OR9Q1: variants seen among roughly 807,000 people sequenced by gnomAD.
OR9Q1 encodes olfactory receptor family 9 subfamily Q member 1.
For synonymous variants in OR9Q1, 153 were observed against 148.6 expected, an observed-to-expected ratio of 1.03 and a Z score of -0.22; for missense variants, 374 against 378.8, an observed-to-expected ratio of 0.99 and a Z score of 0.11.
At chr11:58,118,591 A>G in intron 2 of OR9Q1, 1 of 1,614,076 alleles carries the variant, frequency 6.2e-7, no homozygotes, top group East Asian at 2.2e-5. Context: ...CAGAGGGTTC[A>G]GCATGGGGAT....
intron 2 of OR9Q1, among the ~76,000 whole-genome samples, chr11:58,071,533 A>G (rs1427137700): frequency 2.0e-5 from 3 of 152,076 alleles, no homozygotes; most frequent in East Asian, 1.9e-4. Flanking sequence ...TGTTTCTCCT[A>G]GGGGAAAGAG....
At chr11:58,027,353 C>T (rs1852985609) in intron 1 of OR9Q1, among the ~76,000 whole-genome samples, 1 of 152,166 alleles carries the variant, frequency 6.6e-6, no homozygotes, top group South Asian at 2.1e-4. Flanking sequence ...GCTCATGTAA[C>T]AGTCCTGTGT....
At chr11:58,083,812 G>A (rs2120048409) in intron 2 of OR9Q1, among the ~76,000 whole-genome samples, 1 of 151,940 alleles carries the variant, frequency 6.6e-6, no homozygotes, top group South Asian at 2.1e-4. Flanking sequence ...TGTTCCACTG[G>A]TCTATGTGTC....
intron 2 of OR9Q1, among the ~76,000 whole-genome samples, chr11:58,157,128 C>T (rs1334564361): frequency 6.6e-6 from 1 of 152,116 alleles, no homozygotes; most frequent in African/African-American, 2.4e-5. Context: ...CTCTCCTTAG[C>T]CCTGCCCTGG....
Position 58,128,307 on chromosome 11 carries a change from A to G in OR9Q1, c.-14-51124A>G, listed in dbSNP as rs150939634. ...AGAGAGCAATTAACCTGCCTGATAT[A>G]AAAGCTTACTATAAAGCTTTAATAA... On this transcript the variant is annotated intron_variant, in intron 2 of 2. Transcript: ENST00000335397. Among the ~76,000 whole-genome samples, 29 of 151,918 alleles carry G rather than the reference A, an allele frequency of 1.9e-4. No individual in the cohort carries two copies. In the East Asian group the frequency reaches 4.1e-3, roughly 21 times the overall value.
chr11:58,144,186 AC>A (rs1253769975), intron 2 of OR9Q1, among the ~76,000 whole-genome samples: 1 of 35,890 alleles, frequency 2.8e-5, no homozygotes, highest in African/African-American at 1.1e-4. Context: ...CCCTCCCCCC[AC>A]CCCACAACAG....
chr11:58,161,251 A>G (rs890834393), intron 2 of OR9Q1, among the ~76,000 whole-genome samples: 3 of 152,046 alleles, frequency 2.0e-5, no homozygotes, highest in South Asian at 2.1e-4. Context: ...AAAAAAAAAA[A>G]AAAAGAAAAG....
intron 2 of OR9Q1, among the ~76,000 whole-genome samples, chr11:58,124,867 T>C (rs1854073324): frequency 6.6e-6 from 1 of 152,176 alleles, no homozygotes; most frequent in South Asian, 2.1e-4. Context: ...CTGATCACAA[T>C]ACTATGCATT....
chr11:58,176,248 T>A (rs1854605775), intron 2 of OR9Q1, among the ~76,000 whole-genome samples: 1 of 152,156 alleles, frequency 6.6e-6, no homozygotes, highest in African/African-American at 2.4e-5. Context: ...TAGATACATC[T>A]AACTCCTCAA....
At chr11:58,126,058 G>T (rs541523937) in intron 2 of OR9Q1, among the ~76,000 whole-genome samples, 1 of 152,272 alleles carries the variant, frequency 6.6e-6, no homozygotes, top group South Asian at 2.1e-4. Flanking sequence ...GCTCAGGAAG[G>T]TATGAGTCTG....
intron 2 of OR9Q1, among the ~76,000 whole-genome samples, chr11:58,100,514 A>G (rs1853773223): frequency 6.6e-6 from 1 of 152,132 alleles, no homozygotes; most frequent in South Asian, 2.1e-4. Context: ...AAAAATTTGA[A>G]AAAGCAGTAT....
At chr11:58,147,574 A>G (rs531316399) in intron 2 of OR9Q1, among the ~76,000 whole-genome samples, 11 of 152,326 alleles carry the variant, frequency 7.2e-5, no homozygotes, top group African/African-American at 2.6e-4. Context: ...GTGAGTGGCA[A>G]CCAATTTTGC....
At chr11:58,100,870 T>C (rs1037196416) in intron 2 of OR9Q1, among the ~76,000 whole-genome samples, 1 of 152,128 alleles carries the variant, frequency 6.6e-6, no homozygotes, top group Non-Finnish European at 1.5e-5. Flanking sequence ...TGCAGCAGCA[T>C]GGATGGAACT....
In OR9Q1 at chr11:58,154,379, A is replaced by ATTTTT. The variant is rs3085835; in HGVS notation, c.-14-25040_-14-25036dup. ...TTAGCAATAAAAATCAATGCAATGG[A>ATTTTT]TTTTTTTTTTTTTTTTGTCCTGTGA... On this transcript the variant is annotated intron_variant, in intron 2 of 2. Coordinates refer to ENST00000335397, the MANE Select transcript of OR9Q1 (RefSeq NM_001005212.4). Among the ~76,000 whole-genome samples the ATTTTT allele has an allele frequency of 1.1e-3, 154 of 140,960 alleles. 1 individual carries two copies. Among genetic ancestry groups the ATTTTT allele is most frequent in the Non-Finnish European group, 1.3e-3 (81 of 64,356 alleles). 92.5% of individuals were successfully genotyped at this position (140,960 alleles called of 152,430 possible). A position where few individuals can be genotyped will look rare whatever the true frequency, so the allele number is the denominator to read the frequency against.
intron 2 of OR9Q1, among the ~76,000 whole-genome samples, chr11:58,130,773 C>T (rs977643989): frequency 1.3e-5 from 2 of 151,768 alleles, no homozygotes; most frequent in East Asian, 3.9e-4. Flanking sequence ...CGCCACTGCA[C>T]CCCAGCCCAG....
chr11:58,101,750 T>A lies in OR9Q1; in HGVS notation c.-15+45803T>A, dbSNP rs191085870. ...AGGTTTCCTAAGTTATCTTCCAAAATTTTTTTTTCTTTTGTAACAGAGTTT... is the reference window on the plus strand; with the variant it reads ...AGGTTTCCTAAGTTATCTTCCAAAAATTTTTTTTCTTTTGTAACAGAGTTT... On this transcript the variant is annotated intron_variant, in intron 2 of 2. Transcript: ENST00000335397. Among the ~76,000 whole-genome samples, 12 of 151,948 alleles carry A rather than the reference T, an allele frequency of 7.9e-5. No homozygotes were observed. The East Asian group carries it at 1.5e-3, about 20-fold the overall frequency.
In OR9Q1 at chr11:58,180,407, C is replaced by T; in HGVS notation, c.*30C>T. 1 of 1,407,026 alleles carries T rather than the reference C, an allele frequency of 7.1e-7. No individual in the cohort carries two copies. Among genetic ancestry groups the T allele is most frequent in the Non-Finnish European group, 9.8e-7 (1 of 1,023,004 alleles). 87.2% of individuals were successfully genotyped at this position (1,407,026 alleles called of 1,614,324 possible). On this transcript the variant is annotated 3_prime_UTR_variant, in exon 3 of 3. Transcript: ENST00000335397. ...CTCCAAACTTGGAAAATCCCGAGAACCACCTACTCTGTAGTGTCAGAATTC... is the reference window on the plus strand; with the variant it reads ...CTCCAAACTTGGAAAATCCCGAGAATCACCTACTCTGTAGTGTCAGAATTC...
intron 2 of OR9Q1, among the ~76,000 whole-genome samples, chr11:58,142,919 A>T (rs1207401009): frequency 6.6e-6 from 1 of 152,206 alleles, no homozygotes; most frequent in African/African-American, 2.4e-5. Flanking sequence ...TAAGAGGAGA[A>T]CTTGGAAACC....
chr11:58,154,162 G>C (rs558048951), intron 2 of OR9Q1, among the ~76,000 whole-genome samples: 743 of 59,222 alleles, frequency 0.013, 4 homozygotes, highest in Non-Finnish European at 0.024. Flanking sequence ...AGAGGAGAAG[G>C]AGGAGGAGAA....
Sources: gnomAD v4.1 joint callset for allele counts (sites outside exome capture counted in the v4.1 genomes callset) on GRCh38, gnomAD v4.1.1 for gene constraint, MANE v1.5 for transcripts, NCBI Gene and HGNC (gene_info 2026-07-23, HGNC 2026-07-21) for gene names.